Variants in GBE1 observed in about 807,000 individuals in gnomAD.
The protein encoded by GBE1 is 1,4-alpha-glucan-branching enzyme.
A neutral mutation model predicts 88.8 loss-of-function variants in GBE1; 70 were observed. That is an observed-to-expected ratio of 0.79 (90% CI 0.65 to 0.96). GBE1 has a LOEUF of 0.96. Among genes scored for constraint, GBE1 ranks in the 40% least tolerant of loss-of-function variants. The pLI, the probability that GBE1 is intolerant of heterozygous loss-of-function variation, is 0.00. For missense variants in GBE1, 872 were observed against 871.0 expected (o/e 1.00, Z -0.01); for synonymous variants, 284 against 300.1 (o/e 0.95, Z 0.56).
At chr3:81,521,170 C>G (rs1358748379) in intron 14 of GBE1, among the ~76,000 whole-genome samples, 1 of 151,334 alleles carries the variant, frequency 6.6e-6, no homozygotes, top group East Asian at 1.9e-4. Context: ...TCTACAGGTT[C>G]AAAAAAATTG....
At chr3:81,631,554 GTGAAA>G (rs2107035944) in intron 7 of GBE1, among the ~76,000 whole-genome samples, 1 of 151,568 alleles carries the variant, frequency 6.6e-6, no homozygotes, top group East Asian at 1.9e-4. Context: ...GGCCAACATG[GTGAAA>G]CCCCGTCTCT....
intron 14 of GBE1, among the ~76,000 whole-genome samples, chr3:81,518,096 C>A (rs115097066): frequency 1.3e-4 from 19 of 151,448 alleles, no homozygotes; most frequent in East Asian, 7.8e-4. Context: ...GTTCCTCCCC[C>A]CCAAACCCCA....
At chr3:81,555,229 A>G (rs1286899175) in intron 12 of GBE1, among the ~76,000 whole-genome samples, 3 of 152,350 alleles carry the variant, frequency 2.0e-5, no homozygotes, top group Non-Finnish European at 2.9e-5. Context: ...TTTGAAGGCA[A>G]TAAAAGGGAG....
Position 81,586,132 on chromosome 3 carries a change from T to G in GBE1, c.1295A>C (p.Asp432Ala). 6.2e-7 allele frequency: 1 copy of G among 1,610,478 alleles called. No homozygotes were observed. The highest frequency in any genetic ancestry group is 8.5e-7 in the Non-Finnish European group (1 of 1,178,682). Residue 432 changes from aspartate (D) to alanine (A), a missense_variant, in exon 10 of 16, where the codon GAC becomes GCC. Transcript: ENST00000429644. ...SPISQGGGGF[D>A]YRLAMAIPDK... ...TGGAATTGCCATGGCTAGTCGATAGTCAAAACCACCCCCTCCCTGGGAAAT... is the reference window on the plus strand; with the variant it reads ...TGGAATTGCCATGGCTAGTCGATAGGCAAAACCACCCCCTCCCTGGGAAAT...
chr3:81,670,259 C>T lies in GBE1; in HGVS notation c.429+579G>A, dbSNP rs190745330. ...TGCAAAACCACATGGTCAACGAAAGCAGAGGGAGTGTGGAGGACGCTCAGC... is the reference window on the plus strand; with the variant it reads ...TGCAAAACCACATGGTCAACGAAAGTAGAGGGAGTGTGGAGGACGCTCAGC... On this transcript the variant is annotated intron_variant, in intron 3 of 15. Transcript: ENST00000429644. Among the ~76,000 whole-genome samples, 186 of 152,246 alleles carry T rather than the reference C, an allele frequency of 1.2e-3. 2 individuals are homozygous for T. The highest frequency in any genetic ancestry group is 4.3e-3 in the African/African-American group (179 of 41,548).
intron 14 of GBE1, among the ~76,000 whole-genome samples, chr3:81,533,970 C>A (rs1476879182): frequency 6.6e-6 from 1 of 151,984 alleles, no homozygotes; most frequent in Non-Finnish European, 1.5e-5. Context: ...GCTGGGGAAA[C>A]TAGACGTTAG....
At chr3:81,577,891 A>T (rs761033128) in intron 12 of GBE1, 34 bp downstream of exon 12, 1 of 1,527,194 alleles carries the variant, frequency 6.5e-7, no homozygotes, top group Non-Finnish European at 8.8e-7. Flanking sequence ...AACATTTTAA[A>T]CACAAATTGC....
At chr3:81,615,246 A>G (rs1704233217) in intron 7 of GBE1, among the ~76,000 whole-genome samples, 1 of 152,168 alleles carries the variant, frequency 6.6e-6, no homozygotes, top group Non-Finnish European at 1.5e-5. Flanking sequence ...CTGTAGATTT[A>G]TATGCAGTTA....
intron 7 of GBE1, among the ~76,000 whole-genome samples, chr3:81,603,990 A>G (rs1473164929): frequency 6.6e-6 from 1 of 152,102 alleles, no homozygotes; most frequent in East Asian, 1.9e-4. Context: ...ATATTATAAA[A>G]CCAAATTCAA....
At chr3:81,533,448 C>T (rs1162088891) in intron 14 of GBE1, among the ~76,000 whole-genome samples, 6 of 152,188 alleles carry the variant, frequency 3.9e-5, no homozygotes, top group Middle Eastern at 3.4e-3. Context: ...CTCCTAGATG[C>T]TCTGATGTTA....
intron 1 of GBE1, among the ~76,000 whole-genome samples, chr3:81,721,864 C>T (rs954754725): frequency 6.6e-6 from 1 of 152,034 alleles, no homozygotes; most frequent in Admixed American, 6.6e-5. Context: ...GTGCTAAGTG[C>T]CCCCCAAACA....
rs1706210863 is a variant in GBE1, at chr3:81,733,078, T to G, written c.144-27465A>C. The stretch of plus-strand genomic sequence containing the variant: ...TGGCAAAAATAAACACAAAGAAGCT[T>G]CATCTGTATTTATAGCCACTCCCCA... On this transcript the variant is annotated intron_variant, in intron 1 of 15. Transcript: ENST00000429644. The surrounding 1 kb of genome is among the most constrained non-coding windows in gnomAD (Gnocchi z 4.0). Among the ~76,000 whole-genome samples, 1 of 152,098 alleles carries G rather than the reference T, an allele frequency of 6.6e-6. No individual in the cohort carries two copies. The highest frequency in any genetic ancestry group is 1.5e-5 in the Non-Finnish European group (1 of 68,018).
chr3:81,608,273 G>A (rs1704129401), intron 7 of GBE1, among the ~76,000 whole-genome samples: 1 of 152,128 alleles, frequency 6.6e-6, no homozygotes, highest in African/African-American at 2.4e-5. Flanking sequence ...TATGCCATAT[G>A]TCAGTACTTT....
At chr3:81,593,556 A>G (rs1006841400) in intron 8 of GBE1, among the ~76,000 whole-genome samples, 1 of 151,854 alleles carries the variant, frequency 6.6e-6, no homozygotes, top group African/African-American at 2.4e-5. Context: ...TATTTTATTC[A>G]ATGTGTAATA....
At chr3:81,621,161 T>C (rs1704326918) in intron 7 of GBE1, among the ~76,000 whole-genome samples, 1 of 152,210 alleles carries the variant, frequency 6.6e-6, no homozygotes, top group African/African-American at 2.4e-5. Context: ...GTGAGTCACA[T>C]GTCAAATTTG....
chr3:81,690,980 T>C (rs1439793046), intron 2 of GBE1, among the ~76,000 whole-genome samples: 1 of 152,064 alleles, frequency 6.6e-6, no homozygotes, highest in African/African-American at 2.4e-5. Context: ...CTAACAGCTC[T>C]AGCATACAAA....
At chr3:81,497,985 A>T (rs981735872) in intron 15 of GBE1, among the ~76,000 whole-genome samples, 1 of 152,168 alleles carries the variant, frequency 6.6e-6, no homozygotes, top group Non-Finnish European at 1.5e-5. Context: ...TTAAAAATAT[A>T]TATCTTTCTC....
intron 14 of GBE1, 144 bp downstream of exon 14, chr3:81,535,051 T>A (rs968977558): frequency 1.4e-5 from 10 of 737,052 alleles, no homozygotes; most frequent in Middle Eastern, 2.5e-4. Flanking sequence ...ATCCATCAAC[T>A]ATTTTAAGTT....
intron 11 of GBE1, 30 bp from the exon 12 acceptor site, chr3:81,578,126 G>T: frequency 2.1e-6 from 3 of 1,399,596 alleles, no homozygotes; most frequent in Non-Finnish European, 2.9e-6. Flanking sequence ...GGAGATAAAT[G>T]AAAAAAAAAA....
Sources: gnomAD v4.1 joint callset for allele counts (sites outside exome capture counted in the v4.1 genomes callset) on GRCh38, gnomAD v4.1.1 for gene constraint, Gnocchi (gnomAD v3.1) non-coding constraint, MANE v1.5 for transcripts, NCBI Gene and HGNC (gene_info 2026-07-23, HGNC 2026-07-21) for gene names.